MACIR: variants seen among roughly 807,000 people sequenced by gnomAD.
MACIR encodes UNC119-binding protein C5orf30.
A neutral mutation model predicts 14.3 loss-of-function variants in MACIR; 4 were observed. The ratio of observed to expected loss-of-function variants is 0.28; its 90% CI spans 0.14 to 0.64. MACIR has a LOEUF of 0.64. Ranked by LOEUF, MACIR falls within the 30% of genes least tolerant of loss-of-function variation. The pLI, the probability that MACIR is intolerant of heterozygous loss-of-function variation, is 0.83. For synonymous variants in MACIR, 101 were observed against 102.4 expected (o/e 0.99, Z 0.08); for missense variants, 228 against 257.6 (o/e 0.89, Z 0.79).
intron 2 of MACIR, among the ~76,000 whole-genome samples, chr5:103,275,253 A>G (rs939629559): frequency 2.6e-5 from 4 of 152,162 alleles, no homozygotes; most frequent in African/African-American, 9.6e-5. Flanking sequence ...TCTTTAATTC[A>G]TTGGGGATAT....
At chr5:103,270,478 A>T (rs1554237039) in intron 2 of MACIR, among the ~76,000 whole-genome samples, 1 of 152,186 alleles carries the variant, frequency 6.6e-6, no homozygotes, top group African/African-American at 2.4e-5. Context: ...ATGAAGAATG[A>T]TTTTGCCATT....
At chr5:103,273,351 T>A (rs1805202939) in intron 2 of MACIR, among the ~76,000 whole-genome samples, 1 of 152,202 alleles carries the variant, frequency 6.6e-6, no homozygotes, top group South Asian at 2.1e-4. Flanking sequence ...CAATTGATTT[T>A]TTTTTTTTTA....
At chr5:103,261,411 A>T (rs1307899938) in intron 1 of MACIR, among the ~76,000 whole-genome samples, 1 of 152,170 alleles carries the variant, frequency 6.6e-6, no homozygotes, top group Non-Finnish European at 1.5e-5. Flanking sequence ...GTTGTGTTGT[A>T]CTTTGACAGT....
At chr5:103,263,199 ACCTCCTCCTCCTCCT>A (rs1192451453) in intron 1 of MACIR, among the ~76,000 whole-genome samples, 1 of 141,616 alleles carries the variant, frequency 7.1e-6, no homozygotes, top group African/African-American at 2.6e-5. Context: ...TTCACCATAT[ACCTCCTCCTCCTCCT>A]CCTCCTCCTC....
Position 103,269,803 on chromosome 5 carries a change from A to G in MACIR, c.-24+3806A>G, listed in dbSNP as rs140763019. Among the ~76,000 whole-genome samples the G allele has an allele frequency of 3.5e-4, 53 of 152,316 alleles. No individual in the cohort carries two copies. The East Asian group carries it at 9.3e-3, about 27-fold the overall frequency. On this transcript the variant is annotated intron_variant, in intron 2 of 2. Transcript: ENST00000319933. ...CCTGTTTGCTTTAGTCTCAGCCAGA[A>G]TACTGGTATTGGGGTATTGAATGCT...
At position 103,276,526 on chromosome 5, in the gene MACIR, A is replaced by G; in HGVS notation, c.607A>G (p.Arg203Gly). ...CCTCCGAGGGGACCGTGTGTTTGCT[A>G]GGAATAATACATGAATGACTTGGAG... ...LTLRGDRVFA[R>G]NNT The change falls in exon 3 of 3, where the codon AGG (arginine) becomes GGG (glycine). Residue 203 changes from arginine to glycine, a missense_variant. Physicochemically the swap from Arg to Gly is moderately radical, Grantham distance 125. Transcript: ENST00000319933. The G allele has an allele frequency of 6.2e-7, 1 of 1,609,972 alleles. No individual in the cohort carries two copies. The highest frequency in any genetic ancestry group is 8.5e-7 in the Non-Finnish European group (1 of 1,178,420).
At position 103,276,461 on chromosome 5, in the gene MACIR, C is replaced by G. The variant is rs782346687; in HGVS notation, c.542C>G (p.Ala181Gly). ...CTAGATAAAATGATCAAGGAGCCAG[C>G]TGATACAGAAGTGCTACAGTACCAG... is the stretch of plus-strand genomic sequence containing the variant. ...LNLDKMIKEPADTEVLQYQLQ... is the reference protein window; with the variant it reads ...LNLDKMIKEPGDTEVLQYQLQ... The change falls in exon 3 of 3, where the codon GCT becomes GGT. Residue 181 changes from alanine to glycine, a missense_variant. Ala to Gly is a moderately conservative substitution (Grantham distance 60, BLOSUM62 0). Transcript: ENST00000319933. 1 of 1,614,002 alleles carries G rather than the reference C, an allele frequency of 6.2e-7. No individual in the cohort carries two copies. The highest frequency in any genetic ancestry group is 1.7e-5 in the Admixed American group (1 of 60,000).
chr5:103,260,605 G>T lies in MACIR; in HGVS notation c.-114+1709G>T, dbSNP rs530527099. ...ACAGTTTATTTAATTGCAAATGAAA[G>T]TGTTAGTAATTATTTCAGTGTATAA... On this transcript the variant is annotated intron_variant, in intron 1 of 2. Transcript: ENST00000319933. Among the ~76,000 whole-genome samples, 4 of 152,232 alleles carry T rather than the reference G, an allele frequency of 2.6e-5. No individual in the cohort carries two copies. In the South Asian group the frequency reaches 8.3e-4, roughly 32 times the overall value.
At position 103,258,774 on chromosome 5, in the gene MACIR, C is replaced by G. The variant is rs536743007; in HGVS notation, c.-236C>G. The G allele has an allele frequency of 6.5e-6, 1 of 152,806 alleles. No individual in the cohort carries two copies. The highest frequency in any genetic ancestry group is 6.5e-5 in the Admixed American group (1 of 15,294). The allele number at this position is 152,806 out of a possible 1,614,324, so 9.5% of individuals were successfully genotyped here. On this transcript the variant is annotated 5_prime_UTR_variant, in exon 1 of 3. Coordinates refer to ENST00000319933, the MANE Select transcript of MACIR (RefSeq NM_033211.4). ...GAGCGCGGTGGGAGAGGAGAGGGTA[C>G]CCGGCTGGCTCGGCTGGCGGCCTCT...
chr5:103,272,512 G>T (rs35801), intron 2 of MACIR, among the ~76,000 whole-genome samples: 44,744 of 151,948 alleles, frequency 0.29, 6,589 homozygotes, highest in Non-Finnish European at 0.32. Flanking sequence ...GCTTCAATAT[G>T]TAAATCTAGT....
At chr5:103,273,719 TC>T (rs36086920) in intron 2 of MACIR, among the ~76,000 whole-genome samples, 5,220 of 152,298 alleles carry the variant, frequency 0.034, 148 homozygotes, top group Admixed American at 0.091. Context: ...GCAAATTTTT[TC>T]CCTCGTAGAC....
At chr5:103,272,977 G>C (rs1213678246) in intron 2 of MACIR, among the ~76,000 whole-genome samples, 1 of 152,116 alleles carries the variant, frequency 6.6e-6, no homozygotes, top group African/African-American at 2.4e-5. Context: ...CAGAAGTTCA[G>C]CACATAGCAG....
At chr5:103,262,181 C>T (rs1015501663) in intron 1 of MACIR, among the ~76,000 whole-genome samples, 1 of 152,072 alleles carries the variant, frequency 6.6e-6, no homozygotes, top group African/African-American at 2.4e-5. Flanking sequence ...CCCCTCTGAC[C>T]CAGTCTCAGG....
chr5:103,272,908 A>T (rs1805186805), intron 2 of MACIR, among the ~76,000 whole-genome samples: 1 of 152,192 alleles, frequency 6.6e-6, no homozygotes, highest in Non-Finnish European at 1.5e-5. Flanking sequence ...TGGAGCAAAA[A>T]TACTGATGTT....
chr5:103,258,996 C>A (rs1804558534), intron 1 of MACIR, 100 bp downstream of exon 1: 1 of 152,682 alleles, frequency 6.5e-6, no homozygotes, highest in African/African-American at 2.4e-5. Context: ...CCCCAGGCTC[C>A]GATCCCCAGT....
intron 1 of MACIR, among the ~76,000 whole-genome samples, chr5:103,261,682 CTTTCTTTCTTTCTTTCTTTCTTCCTTT>C (rs1804717237): frequency 2.4e-5 from 3 of 123,612 alleles, no homozygotes; most frequent in Non-Finnish European, 5.1e-5. Context: ...TTCTTTCTTT[CTTTCTTTCTTTCTTTCTTTCTTCCTTT>C]CTTTCTTTCT....
At position 103,261,698 on chromosome 5, in the gene MACIR, CTTT is replaced by C. The variant is rs1562545875; in HGVS notation, c.-114+2803_-114+2805del. On this transcript the variant is annotated intron_variant, in intron 1 of 2. Coordinates refer to ENST00000319933, the MANE Select transcript of MACIR (RefSeq NM_033211.4). ...TCTTTCTTTCTTTCTTTCTTTCTTT[CTTT>C]CTTCCTTTCTTTCTTTCTTTCTTTC... Among the ~76,000 whole-genome samples, 222 of 113,510 alleles carry C rather than the reference CTTT, an allele frequency of 2.0e-3. 4 individuals are homozygous for C. Among genetic ancestry groups the C allele is most frequent in the Middle Eastern group, 0.012 (3 of 248 alleles). The allele number at this position is 113,510 out of a possible 152,430, so 74.5% of individuals were successfully genotyped here.
At chr5:103,264,782 A>G (rs902038553) in intron 1 of MACIR, among the ~76,000 whole-genome samples, 2 of 152,116 alleles carry the variant, frequency 1.3e-5, no homozygotes, top group Non-Finnish European at 2.9e-5. Context: ...TAAACTCAGT[A>G]ATTATCTATT....
At chr5:103,273,531 C>T (rs2149932855) in intron 2 of MACIR, among the ~76,000 whole-genome samples, 1 of 152,286 alleles carries the variant, frequency 6.6e-6, no homozygotes, top group East Asian at 1.9e-4. Flanking sequence ...TTTCTCTAAA[C>T]CGTTGTCTCC....
Sources: allele counts gnomAD v4.1 joint callset (sites outside exome capture counted in the v4.1 genomes callset), GRCh38; gene constraint gnomAD v4.1.1; transcripts MANE v1.5; gene names NCBI Gene and HGNC (gene_info 2026-07-23, HGNC 2026-07-21).